LRP1: variants seen among roughly 807,000 people sequenced by gnomAD.
LRP1 encodes LDL receptor related protein 1.
Under a neutral mutation model 541.5 loss-of-function variants are expected in LRP1, and 51 were observed. The observed-to-expected ratio is 0.09, with a 90% CI of 0.08 to 0.12. LRP1 has a LOEUF of 0.12. LRP1 is among the 10% of genes least tolerant of loss of function. The pLI is 1.00. For missense variants in LRP1, 3,878 were observed against 6,376.2 expected (o/e 0.61, Z 13.34); for synonymous variants, 2,219 against 2,470.8 (o/e 0.90, Z 3.02).
At position 57,200,017 on chromosome 12, in the gene LRP1, G is replaced by T; in HGVS notation, c.10006G>T (p.Ala3336Ser). The T allele has an allele frequency of 6.3e-7, 1 of 1,592,480 alleles. No homozygotes were observed. Among genetic ancestry groups the T allele is most frequent in the East Asian group, 2.3e-5 (1 of 44,218 alleles). Residue 3336 changes from alanine to serine, a missense_variant, in exon 62 of 89, where the codon GCT (alanine) becomes TCT (serine). Coordinates refer to ENST00000243077, the MANE Select transcript of LRP1 (RefSeq NM_002332.3). Reference sequence around the variant, plus strand: ...GCGCACCTGTGTGTCCAACTGCACGGCTAGCCAGGTGAGGCTGTCCCCCAG... The same window carrying T: ...GCGCACCTGTGTGTCCAACTGCACGTCTAGCCAGGTGAGGCTGTCCCCCAG... ...DGRTCVSNCTASQFVCKNDKC... is the reference protein window; with the variant it reads ...DGRTCVSNCTSSQFVCKNDKC...
In LRP1 at chr12:57,190,796, T is replaced by C. The variant is rs754946147; in HGVS notation, c.7032-9T>C. On this transcript the variant is annotated splice_polypyrimidine_tract_variant and intron_variant, in intron 42 of 88. Transcript: ENST00000243077. ...TTTGCCTCCTGATCTCTGGACCCTC[T>C]TCCCCCAGCCTCATGTTCTGGACCA... The C allele has an allele frequency of 2.5e-6, 4 of 1,613,106 alleles. No homozygotes were observed. Among genetic ancestry groups the C allele is most frequent in the Non-Finnish European group, 3.4e-6 (4 of 1,179,680 alleles).
At position 57,147,969 on chromosome 12, in the gene LRP1, C is replaced by T. The variant is rs116242780; in HGVS notation, c.841+2479C>T. Among the ~76,000 whole-genome samples, 546 of 152,290 alleles carry T rather than the reference C, an allele frequency of 3.6e-3. 2 individuals carry two copies. The highest frequency in any genetic ancestry group is 0.013 in the African/African-American group (520 of 41,556). On this transcript the variant is annotated intron_variant, in intron 6 of 88. Coordinates refer to ENST00000243077, the MANE Select transcript of LRP1 (RefSeq NM_002332.3). ...CCCACCTGAGATTACCTCCCCCTCC[C>T]CTCTGCCGCTGGCCCAGTGGTTTGG...
intron 6 of LRP1, among the ~76,000 whole-genome samples, chr12:57,151,526 C>T (rs183591404): frequency 1.6e-4 from 24 of 152,370 alleles, no homozygotes; most frequent in African/African-American, 5.3e-4. Flanking sequence ...TCAGAAGGTG[C>T]GCTCAGGTGG....
intron 12 of LRP1, 118 bp downstream of exon 12, chr12:57,160,123 G>T: frequency 2.0e-6 from 2 of 977,256 alleles, no homozygotes; most frequent in African/African-American, 3.2e-5. Flanking sequence ...ACTTTAGCAG[G>T]AATGAGAGTC....
chr12:57,196,285 C>T lies in LRP1; in HGVS notation c.8892+8C>T. 6.4e-7 allele frequency: 1 copy of T among 1,568,978 alleles called. No homozygotes were observed. The highest frequency in any genetic ancestry group is 1.8e-5 in the Admixed American group (1 of 56,326). On this transcript the variant is annotated splice_region_variant and intron_variant, in intron 55 of 88. Coordinates refer to ENST00000243077, the MANE Select transcript of LRP1 (RefSeq NM_002332.3). ...CTCAAGATCGGCTTCAAGGTATGCC[C>T]AGCCCTGGGGAGGAGCTTCCACACC...
At chr12:57,150,134 C>T in intron 6 of LRP1, 1 of 171,492 alleles carries the variant, frequency 5.8e-6, no homozygotes, top group Non-Finnish European at 1.2e-5. Flanking sequence ...GGTGAAGAGG[C>T]CATGATCAAA....
chr12:57,203,548 G>C, intron 70 of LRP1, 27 bp downstream of exon 70: 2 of 1,494,794 alleles, frequency 1.3e-6, no homozygotes, highest in South Asian at 2.6e-5. Flanking sequence ...GGTCTCCCTG[G>C]GTCCTCCCTC....
In LRP1 at chr12:57,184,664, C is replaced by CT. The variant is rs2036233538; in HGVS notation, c.6187-174dup. Among the ~76,000 whole-genome samples the CT allele has an allele frequency of 5.9e-5, 9 of 152,134 alleles. No homozygotes were observed. The South Asian group carries it at 1.9e-3, about 32-fold the overall frequency. The stretch of plus-strand genomic sequence containing the variant: ...GGGGAGTGGGGGAGTGGAGAGATGC[C>CT]TGGAGGTCACCTTATCAGCAGGGCA... On this transcript the variant is annotated intron_variant, in intron 38 of 88. Transcript: ENST00000243077. This position sits in a 1 kb window ranked among gnomAD's most constrained non-coding sequence, Gnocchi z 7.8.
chr12:57,202,605 T>A, intron 68 of LRP1, 68 bp downstream of exon 68: 1 of 1,137,248 alleles, frequency 8.8e-7, no homozygotes, highest in Non-Finnish European at 1.2e-6. Flanking sequence ...GCGGCCCTCC[T>A]GCCACAGGCC....
chr12:57,201,545 G>A lies in LRP1; in HGVS notation c.10394G>A (p.Arg3465Gln), dbSNP rs752456669. 7 of 1,614,014 alleles carry A rather than the reference G, an allele frequency of 4.3e-6. No homozygotes were observed. Among genetic ancestry groups the A allele is most frequent in the East Asian group, 2.2e-5 (1 of 44,872 alleles). ...PNQFQCSITK[R>Q]CIPRVWVCDR... ...CAGTTCCAGTGCTCCATTACCAAAC[G>A]GTGCATCCCCCGGGTCTGGGTCTGC... The change falls in exon 66 of 89, where the codon CGG becomes CAG. Residue 3465 changes from arginine (R) to glutamine (Q), a missense_variant. Physicochemically the swap from Arg to Gln is conservative, Grantham distance 43 (BLOSUM62 1). Around this residue, in one of 13 missense-constraint regions of LRP1, gnomAD observed 278 missense variants for 536.3 expected, o/e 0.52. Coordinates refer to ENST00000243077, the MANE Select transcript of LRP1 (RefSeq NM_002332.3). The surrounding 1 kb of genome is among the most constrained non-coding windows in gnomAD (Gnocchi z 6.4).
intron 42 of LRP1, among the ~76,000 whole-genome samples, chr12:57,188,004 C>T (rs2036302059): frequency 6.6e-6 from 1 of 152,168 alleles, no homozygotes; most frequent in Non-Finnish European, 1.5e-5. Flanking sequence ...GTGCTTTGAG[C>T]AAAAGCCTGA....
rs977682002 is a variant in LRP1, at chr12:57,189,406, C to T, written c.7032-1399C>T. ...GAGGCTAGAAGGACACGCCGCCTCC[C>T]TCCCAACTTACATCCCGATTCCAGA... On this transcript the variant is annotated intron_variant, in intron 42 of 88. Coordinates refer to ENST00000243077, the MANE Select transcript of LRP1 (RefSeq NM_002332.3). The surrounding 1 kb of genome is among the most constrained non-coding windows in gnomAD (Gnocchi z 4.4). 6.6e-6 allele frequency among the ~76,000 whole-genome samples: 1 copy of T among 152,172 alleles called. No individual in the cohort carries two copies. Among genetic ancestry groups the T allele is most frequent in the African/African-American group, 2.4e-5 (1 of 41,444 alleles).
chr12:57,199,932 G>A lies in LRP1; in HGVS notation c.9921G>A (p.Leu3307=), dbSNP rs1030508654. The change falls in exon 62 of 89, where the codon CTG becomes CTA. Residue 3307 remains leucine (L), a synonymous_variant. Transcript: ENST00000243077. The part of the protein sequence containing the change: ...NNGGCSNLCL[L]SPGGGHKCAC... ...GTGGCTGCAGCAACCTGTGCCTGCT[G>A]TCCCCCGGGGGAGGGCACAAATGTG... The A allele has an allele frequency of 3.3e-5, 52 of 1,596,052 alleles. No homozygotes were observed. The highest frequency in any genetic ancestry group is 3.9e-5 in the Non-Finnish European group (46 of 1,173,526).
intron 64 of LRP1, 43 bp from the exon 65 acceptor site, chr12:57,200,991 G>A (rs748262164): frequency 7.4e-6 from 12 of 1,613,476 alleles, no homozygotes; most frequent in Non-Finnish European, 1.0e-5. Flanking sequence ...CCCTGCCCCT[G>A]AGTCCTCCCT....
intron 6 of LRP1, among the ~76,000 whole-genome samples, chr12:57,151,598 T>G (rs985018175): frequency 6.6e-5 from 10 of 152,356 alleles, no homozygotes; most frequent in African/African-American, 2.4e-4. Flanking sequence ...GGAGCCAGAA[T>G]GCTCAGGATC....
chr12:57,161,018 A>T lies in LRP1; in HGVS notation c.2105A>T (p.Asn702Ile). ...FVTSKTVLWP[N>I]GLSLDIPAGR... ...ACCTCCAAGACAGTGCTTTGGCCCA[A>T]TGGGCTAAGCCTGGACATCCCGGCT... The change falls in exon 13 of 89, where the codon AAT (asparagine) becomes ATT (isoleucine). Residue 702 changes from asparagine to isoleucine, a missense_variant. Physicochemically the swap from Asn to Ile is moderately radical, Grantham distance 149. This residue lies in a region of LRP1 where 496 missense variants were observed against 861.0 expected (regional missense o/e 0.58). Coordinates refer to ENST00000243077, the MANE Select transcript of LRP1 (RefSeq NM_002332.3). 6.2e-7 allele frequency: 1 copy of T among 1,613,812 alleles called. No individual in the cohort carries two copies. The highest frequency in any genetic ancestry group is 1.1e-5 in the South Asian group (1 of 91,068).
Position 57,212,670 on chromosome 12 carries a change from A to G in LRP1, c.*115A>G. 1 of 1,118,218 alleles carries G rather than the reference A, an allele frequency of 8.9e-7. No homozygotes were observed. The allele number at this position is 1,118,218 out of a possible 1,614,324, so 69.3% of individuals were successfully genotyped here. ...TGGCCCCGCCGGATGTATAAATGTA[A>G]AAATGAAGGAATTACATTTTATATG... On this transcript the variant is annotated 3_prime_UTR_variant, in exon 89 of 89. Coordinates refer to ENST00000243077, the MANE Select transcript of LRP1 (RefSeq NM_002332.3). The surrounding 1 kb of genome is among the most constrained non-coding windows in gnomAD (Gnocchi z 5.0).
intron 24 of LRP1, 22 bp downstream of exon 24, chr12:57,176,128 G>A (rs574807540): frequency 6.2e-7 from 1 of 1,612,886 alleles, no homozygotes; most frequent in South Asian, 1.1e-5. Flanking sequence ...TTGCTGCCAG[G>A]CAGGATGCAC....
chr12:57,181,602 G>T (rs577562677), intron 34 of LRP1, among the ~76,000 whole-genome samples: 2 of 152,196 alleles, frequency 1.3e-5, no homozygotes, highest in Non-Finnish European at 2.9e-5. Flanking sequence ...GTGTGCAGGA[G>T]CCCCAGCCAA....
Sources: gnomAD v4.1 joint callset for allele counts (sites outside exome capture counted in the v4.1 genomes callset) on GRCh38, gnomAD v4.1.1 for gene constraint, gnomAD v4.1.1 regional missense constraint, Gnocchi (gnomAD v3.1) non-coding constraint, MANE v1.5 for transcripts, NCBI Gene and HGNC (gene_info 2026-07-23, HGNC 2026-07-21) for gene names.